TSPAN2: variants seen among roughly 807,000 people sequenced by gnomAD.
TSPAN2 encodes tetraspanin-2.
TSPAN2 carries 24 observed loss-of-function variants against 33.3 expected under a neutral mutation model. That is an observed-to-expected ratio of 0.72 (90% CI 0.52 to 1.01). The LOEUF is 1.01. Among genes scored for constraint, TSPAN2 ranks in the 50% least tolerant of loss-of-function variants. TSPAN2 has a pLI of 0.00. For synonymous variants in TSPAN2, 114 were observed against 104.5 expected, an observed-to-expected ratio of 1.09 and a Z score of -0.56; for missense variants, 278 against 281.3, an observed-to-expected ratio of 0.99 and a Z score of 0.08.
intron 4 of TSPAN2, 29 bp from the exon 5 acceptor site, chr1:115,059,010 C>T: frequency 6.4e-7 from 1 of 1,560,348 alleles, no homozygotes; most frequent in East Asian, 2.2e-5. Context: ...AAATGAAGGA[C>T]TTCTGGGTGG....
chr1:115,069,009 C>T (rs904945606), intron 2 of TSPAN2, among the ~76,000 whole-genome samples: 2 of 152,228 alleles, frequency 1.3e-5, no homozygotes, highest in East Asian at 1.9e-4. Context: ...TGTTTATCCA[C>T]AGCCTGTAGT....
At chr1:115,051,759 G>A (rs1675322828) in intron 7 of TSPAN2, among the ~76,000 whole-genome samples, 1 of 152,166 alleles carries the variant, frequency 6.6e-6, no homozygotes, top group South Asian at 2.1e-4. Context: ...TAAGGGCATG[G>A]CCAGGAACAG....
intron 1 of TSPAN2, among the ~76,000 whole-genome samples, chr1:115,080,795 C>T (rs17033200): frequency 0.034 from 5,192 of 152,234 alleles, 284 homozygotes; most frequent in African/African-American, 0.12. Context: ...CTAGGTTCAG[C>T]GGACCTCCTC....
chr1:115,065,234 G>T (rs7536564), intron 2 of TSPAN2, among the ~76,000 whole-genome samples: 1 of 152,040 alleles, frequency 6.6e-6, no homozygotes, highest in South Asian at 2.1e-4. Flanking sequence ...TCCAAATCTG[G>T]CTCTAATACT....
chr1:115,070,325 A>C (rs1648116109), intron 2 of TSPAN2, among the ~76,000 whole-genome samples: 1 of 147,728 alleles, frequency 6.8e-6, no homozygotes, highest in African/African-American at 2.5e-5. Flanking sequence ...TTCTGCAATC[A>C]CTGTGGGTTA....
chr1:115,061,270 G>A (rs1392762411), intron 3 of TSPAN2, among the ~76,000 whole-genome samples: 1 of 152,206 alleles, frequency 6.6e-6, no homozygotes, highest in Non-Finnish European at 1.5e-5. Context: ...TAAAACTGCT[G>A]TTTCTGACTC....
chr1:115,057,027 C>T (rs576782897), intron 6 of TSPAN2, among the ~76,000 whole-genome samples: 158 of 152,292 alleles, frequency 1.0e-3, no homozygotes, highest in South Asian at 2.5e-3. Flanking sequence ...TGGATCAAAT[C>T]CGTATTTATA....
rs562811536 is a variant in TSPAN2 at position 115,074,137 on chromosome 1, G to C, written c.70-1130C>G. Among the ~76,000 whole-genome samples the C allele has an allele frequency of 1.2e-3, 183 of 152,270 alleles. No homozygotes were observed. The Middle Eastern group carries it at 0.017, about 14-fold the overall frequency. ...TTTAGAGGCTTCCCCTGCCCAAACAGAGCAGAGCACACACAGACGCTGGGA... is the reference window on the plus strand; with the variant it reads ...TTTAGAGGCTTCCCCTGCCCAAACACAGCAGAGCACACACAGACGCTGGGA... On this transcript the variant is annotated intron_variant, in intron 1 of 7. Transcript: ENST00000369516.
intron 3 of TSPAN2, among the ~76,000 whole-genome samples, chr1:115,061,746 A>T (rs1647732758): frequency 6.6e-6 from 1 of 151,982 alleles, no homozygotes; most frequent in African/African-American, 2.4e-5. Context: ...GTCATGGCTC[A>T]CTGCAGCCTC....
chr1:115,061,836 T>C (rs904519878), intron 3 of TSPAN2, among the ~76,000 whole-genome samples: 23 of 151,800 alleles, frequency 1.5e-4, no homozygotes, highest in African/African-American at 5.6e-4. Flanking sequence ...TCACACCCGG[T>C]AGAGACTAGG....
At chr1:115,070,374 C>CTTT (rs35027846) in intron 2 of TSPAN2, among the ~76,000 whole-genome samples, 8 of 139,306 alleles carry the variant, frequency 5.7e-5, no homozygotes, top group Admixed American at 1.4e-4. Context: ...CAATAATCTG[C>CTTT]TTTTTTTTTT....
At chr1:115,071,912 G>A (rs770112775) in intron 2 of TSPAN2, among the ~76,000 whole-genome samples, 4 of 152,164 alleles carry the variant, frequency 2.6e-5, no homozygotes, top group Non-Finnish European at 5.9e-5. Context: ...TCTCATGGAA[G>A]AGACTCTACT....
chr1:115,084,962 T>C (rs1648777109), intron 1 of TSPAN2, among the ~76,000 whole-genome samples: 1 of 152,346 alleles, frequency 6.6e-6, no homozygotes, highest in East Asian at 1.9e-4. Flanking sequence ...CTGCTTCCTG[T>C]GGGTCAGTAA....
chr1:115,065,926 G>T (rs1647933416), intron 2 of TSPAN2, among the ~76,000 whole-genome samples: 1 of 152,096 alleles, frequency 6.6e-6, no homozygotes, highest in African/African-American at 2.4e-5. Context: ...GCGGCCTCCA[G>T]TAACCATCAG....
intron 2 of TSPAN2, among the ~76,000 whole-genome samples, chr1:115,063,974 T>C (rs1037892592): frequency 1.3e-5 from 2 of 152,022 alleles, no homozygotes; most frequent in African/African-American, 2.4e-5. Flanking sequence ...GGTTCAGTCA[T>C]ACCCCCAATC....
At chr1:115,082,981 C>G (rs1442947329) in intron 1 of TSPAN2, among the ~76,000 whole-genome samples, 1 of 152,138 alleles carries the variant, frequency 6.6e-6, no homozygotes. Flanking sequence ...GGTGGGATAA[C>G]GCATATGAAA....
intron 7 of TSPAN2, among the ~76,000 whole-genome samples, chr1:115,052,130 GC>G (rs1481821582): frequency 1.3e-5 from 2 of 152,186 alleles, no homozygotes; most frequent in Non-Finnish European, 2.9e-5. Flanking sequence ...TTGGGGAGCT[GC>G]AGAACTGCAG....
intron 1 of TSPAN2, among the ~76,000 whole-genome samples, chr1:115,082,533 T>C (rs1366488524): frequency 6.6e-6 from 1 of 152,252 alleles, no homozygotes; most frequent in East Asian, 1.9e-4. Context: ...TATATAGTGC[T>C]TACTATTCTT....
chr1:115,089,441 C>T lies in TSPAN2; in HGVS notation c.-9G>A, dbSNP rs1570990659. 6.4e-7 allele frequency: 1 copy of T among 1,554,006 alleles called. No homozygotes were observed. Among genetic ancestry groups the T allele is most frequent in the South Asian group, 1.2e-5 (1 of 84,646 alleles). On this transcript the variant is annotated 5_prime_UTR_variant, in exon 1 of 8. Coordinates refer to ENST00000369516, the MANE Select transcript of TSPAN2 (RefSeq NM_005725.6). ...CCGCGGAAGCGCCCCATGCTGCGGC[C>T]CGGCGGCGGGATCCCCAGTCCCCAG...
Sources: allele counts gnomAD v4.1 joint callset (sites outside exome capture counted in the v4.1 genomes callset), GRCh38; gene constraint gnomAD v4.1.1; transcripts MANE v1.5; gene names NCBI Gene and HGNC (gene_info 2026-07-23, HGNC 2026-07-21).